WASHC2A: variants seen among roughly 807,000 people sequenced by gnomAD.
WASHC2A encodes the protein WASH complex subunit 2A, also known as WASH complex subunit FAM21A.
In WASHC2A, 82 loss-of-function variants were observed where a neutral mutation model predicts 140.3. That is an observed-to-expected ratio of 0.58 (90% confidence interval 0.49 to 0.70). The LOEUF is 0.70. WASHC2A is among the 30% of genes least tolerant of loss of function. The pLI is 0.00. For missense variants in WASHC2A, 985 were observed against 1,521.8 expected (o/e 0.65, Z 5.87); for synonymous variants, 340 against 560.8 (o/e 0.61, Z 5.56).
intron 23 of WASHC2A, among the ~76,000 whole-genome samples, chr10:50,124,478 G>A (rs2805229): frequency 0.29 from 43,950 of 150,456 alleles, 7,170 homozygotes; most frequent in Middle Eastern, 0.41. Context: ...CTGGAGCATT[G>A]TATTATCAAA....
At chr10:50,097,580 G>A in intron 15 of WASHC2A, 95 bp from the exon 16 acceptor site, 1 of 901,144 alleles carries the variant, frequency 1.1e-6, no homozygotes, top group East Asian at 2.7e-5. Flanking sequence ...AACTTTTTAT[G>A]TTTATTCTTT....
At position 50,107,543 on chromosome 10, in the gene WASHC2A, G is replaced by A. The variant is rs1589243380; in HGVS notation, c.1869+1078G>A. On this transcript the variant is annotated intron_variant, in intron 19 of 30. Transcript: ENST00000282633. Reference sequence around the variant, plus strand: ...TGTAGGCAAGTTAATAGGGGGTGAAGTGGATATATAAGTCATAGATATGTT... The same window carrying A: ...TGTAGGCAAGTTAATAGGGGGTGAAATGGATATATAAGTCATAGATATGTT... Among the ~76,000 whole-genome samples the A allele has an allele frequency of 5.3e-5, 8 of 152,176 alleles. No individual in the cohort carries two copies. The South Asian group carries it at 1.7e-3, about 32-fold the overall frequency.
intron 7 of WASHC2A, 64 bp from the exon 8 acceptor site, chr10:50,087,211 G>A (rs1839463111): frequency 6.2e-7 from 1 of 1,608,524 alleles, no homozygotes; most frequent in East Asian, 2.2e-5. Flanking sequence ...ACTTAGACCT[G>A]CAATCATTTC....
At chr10:50,069,758 T>C in intron 3 of WASHC2A, 47 bp downstream of exon 3, 5 of 1,554,036 alleles carry the variant, frequency 3.2e-6, no homozygotes, top group Non-Finnish European at 4.3e-6. Context: ...GAGTAGGAGA[T>C]ATTGTAATTT....
rs1483325513 is a variant in WASHC2A, at chr10:50,097,759, C to T, written c.1505C>T (p.Thr502Ile). 10 of 1,607,168 alleles carry T rather than the reference C, an allele frequency of 6.2e-6. No homozygotes were observed. Among genetic ancestry groups the T allele is most frequent in the South Asian group, 4.4e-5 (4 of 90,594 alleles). ...KEKAVASPEA[T>I]VSQTDENKAR... ...AAAGCCGTAGCATCGCCAGAAGCCA[C>T]TGTGAGTCAGACAGATGAAAATAAA... Residue 502 changes from threonine to isoleucine, a missense_variant, in exon 16 of 31, where the codon ACT (threonine) becomes ATT (isoleucine). By Grantham distance (89) the Thr-to-Ile change is moderately conservative. Coordinates refer to ENST00000282633, the MANE Select transcript of WASHC2A (RefSeq NM_001005751.3).
In WASHC2A at chr10:50,129,870, G is replaced by C; in HGVS notation, c.3539G>C (p.Ser1180Thr). Residue 1180 changes from serine to threonine, a missense_variant, in exon 29 of 31, where the codon AGT becomes ACT. Coordinates refer to ENST00000282633, the MANE Select transcript of WASHC2A (RefSeq NM_001005751.3). Reference sequence around the variant, plus strand: ...TTTCCTGCTCTAGGTGAGGCCAGCAGTGATGATGATCTCTTTCAGTCTGCT... The same window carrying C: ...TTTCCTGCTCTAGGTGAGGCCAGCACTGATGATGATCTCTTTCAGTCTGCT... Reference protein sequence around the residue: ...PMFPALGEASSDDDLFQSAKP... With the variant: ...PMFPALGEASTDDDLFQSAKP... The C allele has an allele frequency of 6.2e-7, 1 of 1,612,056 alleles. No homozygotes were observed. The highest frequency in any genetic ancestry group is 1.1e-5 in the South Asian group (1 of 90,992).
intron 16 of WASHC2A, among the ~76,000 whole-genome samples, chr10:50,098,216 T>C (rs1840686408): frequency 6.6e-6 from 1 of 152,062 alleles, no homozygotes; most frequent in Admixed American, 6.6e-5. Flanking sequence ...TAGAATCTAA[T>C]ATCTAGTCTG....
In WASHC2A at chr10:50,091,555, A is replaced by G. The variant is rs1332203318; in HGVS notation, c.931+37A>G. On this transcript the variant is annotated intron_variant, in intron 10 of 30. Transcript: ENST00000282633. ...CCGCGTTGATGGGGAGTAGGGGGGG[A>G]GTAGTGCAGGGCCCTCTGCTGGCTT... is the stretch of plus-strand genomic sequence containing the variant. The G allele has an allele frequency of 2.2e-5, 34 of 1,547,650 alleles. No individual in the cohort carries two copies. In the East Asian group the frequency reaches 4.9e-4, roughly 22 times the overall value.
chr10:50,102,143 A>C (rs1341883518), intron 17 of WASHC2A, among the ~76,000 whole-genome samples: 1 of 152,086 alleles, frequency 6.6e-6, no homozygotes, highest in Non-Finnish European at 1.5e-5. Flanking sequence ...TGAAAACCCT[A>C]CCAAAGGCTT....
At chr10:50,073,197 A>G (rs1247536245) in intron 3 of WASHC2A, among the ~76,000 whole-genome samples, 1 of 152,118 alleles carries the variant, frequency 6.6e-6, no homozygotes, top group African/African-American at 2.4e-5. Context: ...TGCCATAGTT[A>G]ATGACTTTAG....
Position 50,126,074 on chromosome 10 carries a change from A to G in WASHC2A, c.2706A>G (p.Arg902=), listed in dbSNP as rs1843401304. 4.3e-6 allele frequency: 7 copies of G among 1,613,720 alleles called. No homozygotes were observed. The change falls in exon 26 of 31, where the codon AGA becomes AGG. Residue 902 remains arginine, a synonymous_variant. Transcript: ENST00000282633. ...KSQPLVQEKK[R]VVKKDHSVDS... ...TTTTGAAGGTACAAGAGAAAAAGAG[A>G]GTAGTGAAAAAAGACCACTCTGTTG...
chr10:50,128,786 A>G (rs1490269011), intron 28 of WASHC2A, among the ~76,000 whole-genome samples: 1 of 152,224 alleles, frequency 6.6e-6, no homozygotes, highest in Non-Finnish European at 1.5e-5. Flanking sequence ...TATTTTGGAA[A>G]CTATCATAAA....
chr10:50,119,807 A>G, intron 23 of WASHC2A, 38 bp downstream of exon 23: 1 of 1,607,194 alleles, frequency 6.2e-7, no homozygotes, highest in Admixed American at 1.7e-5. Flanking sequence ...TCTCTGGATG[A>G]GATAAAAGAC....
chr10:50,131,417 G>T (rs1474374783), intron 30 of WASHC2A, among the ~76,000 whole-genome samples: 1 of 152,208 alleles, frequency 6.6e-6, no homozygotes, highest in Non-Finnish European at 1.5e-5. Flanking sequence ...TGCTAAAGTA[G>T]GCTGAGGGGA....
At chr10:50,105,107 G>A (rs1177498796) in intron 18 of WASHC2A, among the ~76,000 whole-genome samples, 1 of 151,986 alleles carries the variant, frequency 6.6e-6, no homozygotes, top group Non-Finnish European at 1.5e-5. Flanking sequence ...CTAGAGGATG[G>A]ATCAACATAT....
At chr10:50,069,733 T>G (rs1554875608) in intron 3 of WASHC2A, 22 bp downstream of exon 3, 1 of 1,602,512 alleles carries the variant, frequency 6.2e-7, no homozygotes, top group Non-Finnish European at 8.5e-7. Context: ...AGTTATATTA[T>G]CATTCCTTTT....
intron 19 of WASHC2A, 56 bp downstream of exon 19, chr10:50,106,521 A>G: frequency 1.9e-6 from 3 of 1,603,364 alleles, no homozygotes; most frequent in Non-Finnish European, 8.5e-7. Context: ...TTTAAGAGTT[A>G]AAGCCATCCC....
In WASHC2A at chr10:50,129,950, G is replaced by A; in HGVS notation, c.3619G>A (p.Asp1207Asn). 6.2e-7 allele frequency: 1 copy of A among 1,611,972 alleles called. No individual in the cohort carries two copies. The highest frequency in any genetic ancestry group is 8.5e-7 in the Non-Finnish European group (1 of 1,179,848). ...NPFPLLEDED[D>N]LFTDQKVKKN... Reference sequence around the variant, plus strand: ...CTTTCCTCTCCTGGAAGATGAGGATGACCTCTTTACAGATCAGAAAGTCAA... The same window carrying A: ...CTTTCCTCTCCTGGAAGATGAGGATAACCTCTTTACAGATCAGAAAGTCAA... The change falls in exon 29 of 31, where the codon GAC becomes AAC. Residue 1207 changes from aspartate to asparagine, a missense_variant. By Grantham distance (23) the Asp-to-Asn change is conservative. Coordinates refer to ENST00000282633, the MANE Select transcript of WASHC2A (RefSeq NM_001005751.3).
At chr10:50,128,243 C>T (rs1461942282) in intron 28 of WASHC2A, among the ~76,000 whole-genome samples, 2 of 151,988 alleles carry the variant, frequency 1.3e-5, no homozygotes, top group Admixed American at 6.6e-5. Context: ...CACTTTCCAG[C>T]CTGACTCCAG....
Sources: allele counts gnomAD v4.1 joint callset (sites outside exome capture counted in the v4.1 genomes callset), GRCh38; gene constraint gnomAD v4.1.1; transcripts MANE v1.5; gene names NCBI Gene and HGNC (gene_info 2026-07-23, HGNC 2026-07-21).